ARHGEF12: variants seen among roughly 807,000 people sequenced by gnomAD.
ARHGEF12 encodes the protein Rho guanine nucleotide exchange factor 12.
A neutral mutation model predicts 211.2 loss-of-function variants in ARHGEF12; 66 were observed. That is an observed-to-expected ratio of 0.31 (90% CI 0.26 to 0.38). ARHGEF12 has a LOEUF of 0.38. Among genes scored for constraint, ARHGEF12 ranks in the 10% least tolerant of loss-of-function variants. The pLI is 1.00. For missense variants in ARHGEF12, 1,429 were observed against 1,869.5 expected, an observed-to-expected ratio of 0.76 and a Z score of 4.34; for synonymous variants, 592 against 638.4, an observed-to-expected ratio of 0.93 and a Z score of 1.09.
chr11:120,345,439 C>G (rs1942675273), intron 1 of ARHGEF12, among the ~76,000 whole-genome samples: 1 of 152,210 alleles, frequency 6.6e-6, no homozygotes, highest in Admixed American at 6.5e-5. Flanking sequence ...CGTAGTGGCT[C>G]ACGCCTGTAA....
At position 120,476,597 on chromosome 11, in the gene ARHGEF12, A is replaced by G. The variant is rs1294498983; in HGVS notation, c.3278-64A>G. On this transcript the variant is annotated intron_variant, in intron 33 of 40. Transcript: ENST00000397843. Reference sequence around the variant, plus strand: ...AAGGGGCAGACTATTTCAAGACCCTAAAAACATCCCTCATGGCCTCCCCAG... The same window carrying G: ...AAGGGGCAGACTATTTCAAGACCCTGAAAACATCCCTCATGGCCTCCCCAG... 9.7e-6 allele frequency: 12 copies of G among 1,241,806 alleles called. No homozygotes were observed. In the South Asian group the frequency reaches 1.1e-4, roughly 11 times the overall value. 76.9% of individuals were successfully genotyped at this position (1,241,806 alleles called of 1,614,324 possible).
intron 15 of ARHGEF12, among the ~76,000 whole-genome samples, chr11:120,444,801 G>A (rs1945995457): frequency 6.6e-6 from 1 of 152,112 alleles, no homozygotes; most frequent in Non-Finnish European, 1.5e-5. Context: ...TCCTAGCTAG[G>A]AATAAGTAAA....
chr11:120,477,001 G>C lies in ARHGEF12; in HGVS notation c.3366-218G>C, dbSNP rs1370398760. 3 of 597,334 alleles carry C rather than the reference G, an allele frequency of 5.0e-6. No individual in the cohort carries two copies. The African/African-American group carries it at 5.6e-5, about 11-fold the overall frequency. The allele number at this position is 597,334 out of a possible 1,614,324, so 37.0% of individuals were successfully genotyped here. Reference sequence around the variant, plus strand: ...GTGAAGTTTTTTTAATGTGTCCATAGATTTCTCTTAAGGTATAGTTTTGGA... The same window carrying C: ...GTGAAGTTTTTTTAATGTGTCCATACATTTCTCTTAAGGTATAGTTTTGGA... On this transcript the variant is annotated intron_variant, in intron 34 of 40. Coordinates refer to ENST00000397843, the MANE Select transcript of ARHGEF12 (RefSeq NM_015313.3).
Position 120,347,175 on chromosome 11 carries a change from C to CTTT in ARHGEF12, c.32+9900_32+9901insTTT, listed in dbSNP as rs1565417173. ...TCCTTCCTTCCTTCCTTCCTTCCTT[C>CTTT]CTTCCTTCCTTTCTTTCTTTCTTTC... On this transcript the variant is annotated intron_variant, in intron 1 of 40. Transcript: ENST00000397843. 3.9e-3 allele frequency among the ~76,000 whole-genome samples: 244 copies of CTTT among 62,136 alleles called. 2 individuals are homozygous for CTTT. Among genetic ancestry groups the CTTT allele is most frequent in the East Asian group, 0.022 (20 of 920 alleles). The allele number at this position is 62,136 out of a possible 152,430, so 40.8% of individuals were successfully genotyped here.
At chr11:120,346,991 G>T (rs541802244) in intron 1 of ARHGEF12, among the ~76,000 whole-genome samples, 2 of 152,138 alleles carry the variant, frequency 1.3e-5, no homozygotes, top group African/African-American at 4.8e-5. Flanking sequence ...AGACTGACAG[G>T]TGTCAAGCAG....
chr11:120,387,199 ATT>A (rs1944060676), intron 1 of ARHGEF12, among the ~76,000 whole-genome samples: 1 of 151,510 alleles, frequency 6.6e-6, no homozygotes, highest in Non-Finnish European at 1.5e-5. Flanking sequence ...TTTAGTTTCC[ATT>A]ACTCATCCTT....
At chr11:120,378,903 T>G (rs887039547) in intron 1 of ARHGEF12, among the ~76,000 whole-genome samples, 5 of 152,204 alleles carry the variant, frequency 3.3e-5, no homozygotes, top group Non-Finnish European at 7.4e-5. Context: ...GTCTTCCAAT[T>G]TTGTTGTTTT....
At chr11:120,431,583 G>A (rs1945535091) in intron 10 of ARHGEF12, among the ~76,000 whole-genome samples, 188 bp from the exon 11 acceptor site, 1 of 152,096 alleles carries the variant, frequency 6.6e-6, no homozygotes, top group South Asian at 2.1e-4. Flanking sequence ...TGACATTTTA[G>A]AATACCGGAA....
intron 1 of ARHGEF12, among the ~76,000 whole-genome samples, chr11:120,351,469 TTTTTTTTTTTTTG>T: frequency 1.4e-5 from 1 of 70,640 alleles, no homozygotes; most frequent in African/African-American, 6.0e-5. Flanking sequence ...TTTTTTTTTT[TTTTTTTTTTTTTG>T]AGACAAAGTC....
chr11:120,365,591 A>G (rs557679273), intron 1 of ARHGEF12: 4 of 152,328 alleles, frequency 2.6e-5, no homozygotes, highest in Admixed American at 1.3e-4. Flanking sequence ...TTCCTTTTAT[A>G]CTTCAATTCT....
chr11:120,451,793 T>C (rs1395738489), intron 22 of ARHGEF12, 69 bp downstream of exon 22: 1 of 1,411,972 alleles, frequency 7.1e-7, no homozygotes, highest in Non-Finnish European at 9.8e-7. Flanking sequence ...AACTGAAAAA[T>C]AGAGTGGCAA....
At chr11:120,467,641 A>G (rs1046398139) in intron 29 of ARHGEF12, among the ~76,000 whole-genome samples, 1 of 130,382 alleles carries the variant, frequency 7.7e-6, no homozygotes, top group South Asian at 2.4e-4. Flanking sequence ...GGGTCTCACT[A>G]TGTTGCTCAG....
At chr11:120,405,610 C>G (rs956742564) in intron 1 of ARHGEF12, among the ~76,000 whole-genome samples, 1 of 152,112 alleles carries the variant, frequency 6.6e-6, no homozygotes, top group African/African-American at 2.4e-5. Context: ...GTGCAGTAAT[C>G]AACACCCAGA....
intron 1 of ARHGEF12, among the ~76,000 whole-genome samples, chr11:120,344,290 A>C (rs1000167756): frequency 1.6e-4 from 25 of 151,530 alleles, no homozygotes; most frequent in Admixed American, 1.1e-3. Context: ...AAAAAAAAAA[A>C]AAAACTGGAG....
At chr11:120,349,231 G>A (rs1027104003) in intron 1 of ARHGEF12, among the ~76,000 whole-genome samples, 1 of 152,066 alleles carries the variant, frequency 6.6e-6, no homozygotes, top group Non-Finnish European at 1.5e-5. Flanking sequence ...CAGTAAAAAA[G>A]GAGAAGCTTC....
At chr11:120,429,299 A>G in intron 8 of ARHGEF12, 141 bp from the exon 9 acceptor site, 1 of 590,360 alleles carries the variant, frequency 1.7e-6, no homozygotes, top group Non-Finnish European at 3.0e-6. Flanking sequence ...AAGCCTGTCC[A>G]CATAACCCGG....
intron 37 of ARHGEF12, among the ~76,000 whole-genome samples, chr11:120,479,333 A>G (rs1358459236): frequency 1.3e-5 from 2 of 152,232 alleles, no homozygotes; most frequent in African/African-American, 2.4e-5. Context: ...TTTAAAACCT[A>G]CAATATTTTT....
chr11:120,477,333 A>C, intron 35 of ARHGEF12, 28 bp downstream of exon 35: 1 of 1,610,630 alleles, frequency 6.2e-7, no homozygotes, highest in Non-Finnish European at 8.5e-7. Flanking sequence ...TTGTAGTAGG[A>C]CTTATTTTAT....
chr11:120,455,821 A>G (rs531929009), intron 22 of ARHGEF12, among the ~76,000 whole-genome samples: 24 of 152,366 alleles, frequency 1.6e-4, no homozygotes, highest in African/African-American at 5.8e-4. Context: ...TGATAGAATT[A>G]TATAACTTTG....
Sources: allele counts gnomAD v4.1 joint callset (sites outside exome capture counted in the v4.1 genomes callset), GRCh38; gene constraint gnomAD v4.1.1; transcripts MANE v1.5; gene names NCBI Gene and HGNC (gene_info 2026-07-23, HGNC 2026-07-21).